The following ACAP2 variants were observed in gnomAD, a reference collection of about 807,000 sequenced individuals.
ACAP2 encodes the protein arf-GAP with coiled-coil, ANK repeat and PH domain-containing protein 2.
ACAP2 carries 39 observed loss-of-function variants against 115.8 expected under a neutral mutation model. That is an observed-to-expected ratio of 0.34 (90% CI 0.26 to 0.44). The LOEUF (loss-of-function observed/expected upper bound fraction) is 0.44, where lower values mean the gene tolerates loss of function less well. ACAP2 is among the 20% of genes least tolerant of loss of function. The pLI, the probability that ACAP2 is intolerant of heterozygous loss-of-function variation, is 1.00. For missense variants in ACAP2, 662 were observed against 927.6 expected (o/e 0.71, Z 3.72); for synonymous variants, 289 against 315.8 (o/e 0.92, Z 0.90).
intron 10 of ACAP2, among the ~76,000 whole-genome samples, chr3:195,313,819 T>C (rs1381235003): frequency 6.6e-6 from 1 of 152,162 alleles, no homozygotes; most frequent in African/African-American, 2.4e-5. Context: ...TTTTCAGAAT[T>C]TAATCATAAA....
At chr3:195,421,865 T>C (rs10212206) in intron 1 of ACAP2, among the ~76,000 whole-genome samples, 16,370 of 152,202 alleles carry the variant, frequency 0.11, 1,583 homozygotes, top group East Asian at 0.52. Context: ...TTTCAAGAGA[T>C]TCAGAAATAT....
chr3:195,369,223 CACTG>C (rs1732953949), intron 4 of ACAP2, among the ~76,000 whole-genome samples: 1 of 152,128 alleles, frequency 6.6e-6, no homozygotes, highest in East Asian at 1.9e-4. Context: ...ATATTTATGA[CACTG>C]ACTAAAATGA....
intron 1 of ACAP2, among the ~76,000 whole-genome samples, chr3:195,431,996 G>T (rs1370687361): frequency 6.6e-6 from 1 of 152,016 alleles, no homozygotes; most frequent in Non-Finnish European, 1.5e-5. Context: ...TTGACCATTT[G>T]GGTATGTTCT....
chr3:195,428,928 A>G (rs1714896199), intron 1 of ACAP2, among the ~76,000 whole-genome samples: 1 of 152,186 alleles, frequency 6.6e-6, no homozygotes, highest in Non-Finnish European at 1.5e-5. Flanking sequence ...ACTCCTAGGT[A>G]TTTATCTTAA....
At chr3:195,424,261 G>GTGTGTGTATATATA (rs1456909404) in intron 1 of ACAP2, among the ~76,000 whole-genome samples, 7 of 54,648 alleles carry the variant, frequency 1.3e-4, no homozygotes, top group African/African-American at 4.1e-4. Context: ...GTGTGTGTGT[G>GTGTGTGTATATATA]TATATATATA....
At chr3:195,318,940 C>A (rs1003191029) in intron 10 of ACAP2, among the ~76,000 whole-genome samples, 1 of 152,178 alleles carries the variant, frequency 6.6e-6, no homozygotes, top group Non-Finnish European at 1.5e-5. Flanking sequence ...ATGACAGGCC[C>A]AGAAACCTAG....
intron 6 of ACAP2, among the ~76,000 whole-genome samples, chr3:195,338,440 T>C (rs1399202850): frequency 6.6e-6 from 1 of 151,992 alleles, no homozygotes; most frequent in Non-Finnish European, 1.5e-5. Context: ...GCTTCCCGAG[T>C]AGCTGGGTAG....
intron 20 of ACAP2, among the ~76,000 whole-genome samples, chr3:195,291,351 G>A (rs368483386): frequency 1.4e-4 from 21 of 152,284 alleles, no homozygotes; most frequent in African/African-American, 5.1e-4. Context: ...GGTTATGTGT[G>A]TGCATGCTAT....
Position 195,279,015 on chromosome 3 carries a change from G to T in ACAP2, c.*313C>A, listed in dbSNP as rs529099377. On this transcript the variant is annotated 3_prime_UTR_variant, in exon 23 of 23. Transcript: ENST00000326793. Reference sequence around the variant, plus strand: ...AAAAAATCAATGCCACCACCCATTGGCAAAAGAATCACTTTTGTCTAACCT... The same window carrying T: ...AAAAAATCAATGCCACCACCCATTGTCAAAAGAATCACTTTTGTCTAACCT... 3.5e-4 allele frequency: 67 copies of T among 190,728 alleles called. No homozygotes were observed. In the Middle Eastern group the frequency reaches 0.01, roughly 29 times the overall value. 11.8% of individuals were successfully genotyped at this position (190,728 alleles called of 1,614,324 possible).
chr3:195,367,431 G>A (rs999380293), intron 4 of ACAP2, among the ~76,000 whole-genome samples: 3 of 152,078 alleles, frequency 2.0e-5, no homozygotes, highest in Non-Finnish European at 4.4e-5. Context: ...GGGGGAATGG[G>A]GATTAGTTGA....
intron 10 of ACAP2, among the ~76,000 whole-genome samples, chr3:195,310,987 T>C (rs1397059668): frequency 1.3e-5 from 2 of 152,142 alleles, no homozygotes; most frequent in African/African-American, 4.8e-5. Flanking sequence ...AAAAAACTAG[T>C]AACATTGACC....
rs566996723 is a variant in ACAP2, at chr3:195,438,008, C to T, written c.53+4787G>A. 9.0e-5 allele frequency among the ~76,000 whole-genome samples: 13 copies of T among 144,330 alleles called. 1 individual carries two copies. The highest frequency in any genetic ancestry group is 2.1e-4 in the Admixed American group (3 of 13,994). The allele number at this position is 144,330 out of a possible 152,430, so 94.7% of individuals were successfully genotyped here. A position where few individuals can be genotyped will look rare whatever the true frequency, so the allele number is the denominator to read the frequency against. On this transcript the variant is annotated intron_variant, in intron 1 of 22. Coordinates refer to ENST00000326793, the MANE Select transcript of ACAP2 (RefSeq NM_012287.6). Reference sequence around the variant, plus strand: ...CTGGGATTACAAATGTAAGCCATTGCGCCCCACCTGCAAGAATTTTCTTTT... The same window carrying T: ...CTGGGATTACAAATGTAAGCCATTGTGCCCCACCTGCAAGAATTTTCTTTT...
At chr3:195,428,458 C>T (rs763784755) in intron 1 of ACAP2, among the ~76,000 whole-genome samples, 2 of 151,860 alleles carry the variant, frequency 1.3e-5, no homozygotes, top group African/African-American at 4.8e-5. Flanking sequence ...ATTATAATAT[C>T]ATATTTTTAC....
rs1396298563 is a variant in ACAP2, at chr3:195,329,075, G to A, written c.670-2116C>T. On this transcript the variant is annotated intron_variant, in intron 8 of 22. Transcript: ENST00000326793. ...AGCCTGGGCAACAGAGTGAGACTCC[G>A]TCTCAAAAAAAAAAAAAAAGAAAGA... 7.7e-5 allele frequency among the ~76,000 whole-genome samples: 10 copies of A among 129,620 alleles called. No individual in the cohort carries two copies. The South Asian group carries it at 8.9e-4, about 12-fold the overall frequency. The allele number at this position is 129,620 out of a possible 152,430, so 85.0% of individuals were successfully genotyped here.
At chr3:195,314,263 A>G (rs1728948245) in intron 10 of ACAP2, among the ~76,000 whole-genome samples, 1 of 142,054 alleles carries the variant, frequency 7.0e-6, no homozygotes, top group Non-Finnish European at 1.5e-5. Context: ...GAGAAAGAAG[A>G]TTTTTTTTTT....
At chr3:195,334,964 T>C (rs1035769112) in intron 7 of ACAP2, among the ~76,000 whole-genome samples, 2 of 152,184 alleles carry the variant, frequency 1.3e-5, no homozygotes, top group African/African-American at 2.4e-5. Context: ...TATGGTATAT[T>C]CCTTCAAGGT....
intron 4 of ACAP2, among the ~76,000 whole-genome samples, chr3:195,350,231 T>C (rs1407302076): frequency 2.0e-5 from 3 of 152,156 alleles, no homozygotes; most frequent in African/African-American, 7.2e-5. Context: ...ATTCTAAAAG[T>C]TATATGAAAA....
intron 1 of ACAP2, among the ~76,000 whole-genome samples, chr3:195,439,915 C>T (rs1243801501): frequency 6.6e-6 from 1 of 152,132 alleles, no homozygotes. Context: ...ATGTGAGCCA[C>T]AGTGTTCAGC....
At chr3:195,297,106 C>A (rs1727704714) in intron 16 of ACAP2, 84 bp downstream of exon 16, 1 of 1,216,958 alleles carries the variant, frequency 8.2e-7, no homozygotes, top group South Asian at 1.3e-5. Context: ...AACACTTTGT[C>A]TCAATGTTAT....
Sources: gnomAD v4.1 joint callset for allele counts (sites outside exome capture counted in the v4.1 genomes callset) on GRCh38, gnomAD v4.1.1 for gene constraint, MANE v1.5 for transcripts, NCBI Gene and HGNC (gene_info 2026-07-23, HGNC 2026-07-21) for gene names.